HIVEP3: variants seen among roughly 807,000 people sequenced by gnomAD.
HIVEP3 encodes HIVEP zinc finger 3.
HIVEP3 carries 49 observed loss-of-function variants against 152.8 expected under a neutral mutation model. That is an observed-to-expected ratio of 0.32 (90% CI 0.26 to 0.41). The LOEUF is 0.41. HIVEP3 is among the 10% of genes least tolerant of loss of function. HIVEP3 has a pLI of 1.00. For missense variants in HIVEP3, 2,790 were observed against 3,103.3 expected (o/e 0.90, Z 2.40); for synonymous variants, 1,269 against 1,289.0 (o/e 0.98, Z 0.33).
chr1:42,008,678 A>G (rs879331805), intron 1 of HIVEP3, among the ~76,000 whole-genome samples: 2 of 152,188 alleles, frequency 1.3e-5, no homozygotes, highest in Non-Finnish European at 2.9e-5. Flanking sequence ...CTGAATTCTT[A>G]CATGTCTGAA....
At chr1:41,786,950 C>T (rs1649387023) in intron 1 of HIVEP3, among the ~76,000 whole-genome samples, 1 of 152,020 alleles carries the variant, frequency 6.6e-6, no homozygotes, top group Admixed American at 6.6e-5. Flanking sequence ...CGGAGTTTCA[C>T]CATATTGGCC....
At chr1:41,963,172 C>T (rs1645178402) in intron 1 of HIVEP3, among the ~76,000 whole-genome samples, 1 of 152,080 alleles carries the variant, frequency 6.6e-6, no homozygotes. Context: ...CCACCACGCC[C>T]AGCTATTTTT....
chr1:41,895,724 G>A (rs183039044), intron 1 of HIVEP3, among the ~76,000 whole-genome samples: 2 of 152,308 alleles, frequency 1.3e-5, no homozygotes, highest in East Asian at 1.9e-4. Context: ...TCTGAGGCAG[G>A]AAGTGAGGCA....
At chr1:41,866,968 C>T (rs1570699810) in intron 1 of HIVEP3, among the ~76,000 whole-genome samples, 1 of 152,338 alleles carries the variant, frequency 6.6e-6, no homozygotes, top group East Asian at 1.9e-4. Context: ...CTGAGTATTT[C>T]AGGCATAACA....
chr1:41,689,065 G>A (rs1215970091), intron 2 of HIVEP3, among the ~76,000 whole-genome samples: 1 of 152,236 alleles, frequency 6.6e-6, no homozygotes, highest in Admixed American at 6.5e-5. Flanking sequence ...ACAGTTTAGA[G>A]AAAGACACTT....
intron 2 of HIVEP3, among the ~76,000 whole-genome samples, chr1:41,683,638 A>G (rs1570307389): frequency 6.6e-6 from 1 of 152,156 alleles, no homozygotes; most frequent in South Asian, 2.1e-4. Flanking sequence ...GGCTGGGAGG[A>G]AGCCCACAAT....
intron 1 of HIVEP3, among the ~76,000 whole-genome samples, chr1:41,798,842 C>T (rs1650134989): frequency 6.6e-6 from 1 of 152,202 alleles, no homozygotes; most frequent in East Asian, 1.9e-4. Flanking sequence ...ACAACCCAGA[C>T]CCCTGCTTCT....
At chr1:41,803,892 A>G (rs937759156) in intron 1 of HIVEP3, among the ~76,000 whole-genome samples, 3 of 152,226 alleles carry the variant, frequency 2.0e-5, no homozygotes, top group African/African-American at 7.2e-5. Context: ...TCCTCTGGAC[A>G]TGATGACTAA....
At chr1:41,691,688 T>C (rs995227585) in intron 2 of HIVEP3, among the ~76,000 whole-genome samples, 1 of 152,212 alleles carries the variant, frequency 6.6e-6, no homozygotes, top group African/African-American at 2.4e-5. Flanking sequence ...TAGATTTCTG[T>C]TTTTCTAAGC....
intron 5 of HIVEP3, chr1:41,543,436 T>C (rs1233918463): frequency 2.0e-5 from 3 of 152,244 alleles, no homozygotes; most frequent in African/African-American, 4.8e-5. Flanking sequence ...AAGCCATTTC[T>C]ATGAAAACTT....
intron 1 of HIVEP3, among the ~76,000 whole-genome samples, chr1:41,821,688 G>A (rs560718356): frequency 2.6e-4 from 39 of 152,218 alleles, no homozygotes; most frequent in African/African-American, 9.2e-4. Flanking sequence ...TAGTTCCCAG[G>A]CACTGTCTGA....
At chr1:41,788,794 C>T (rs1294344167) in intron 1 of HIVEP3, among the ~76,000 whole-genome samples, 2 of 152,228 alleles carry the variant, frequency 1.3e-5, no homozygotes, top group African/African-American at 2.4e-5. Context: ...GGAACATCCC[C>T]GTGGAAAGGA....
Position 41,582,928 on chromosome 1 carries a change from T to C in HIVEP3, c.1870A>G (p.Lys624Glu), listed in dbSNP as rs1404711543. The change falls in exon 4 of 9, where the codon AAG becomes GAG. Residue 624 changes from lysine to glutamate, a missense_variant. Physicochemically the swap from Lys to Glu is moderately conservative, Grantham distance 56. Transcript: ENST00000372583. The surrounding 1 kb of genome is among the most constrained non-coding windows in gnomAD (Gnocchi z 4.7). ...GTCTTTTTGGTAAGCTCGCTTTCCT[T>C]GGGTTCCACTTCGTCCGAGGGCTTG... ...ASKPSDEVEP[K>E]ESELTKKTKK... 6.2e-7 allele frequency: 1 copy of C among 1,614,100 alleles called. No homozygotes were observed.
At chr1:41,649,472 T>C (rs1455704004) in intron 2 of HIVEP3, among the ~76,000 whole-genome samples, 8 of 152,232 alleles carry the variant, frequency 5.3e-5, no homozygotes. Flanking sequence ...TATGTGTTTG[T>C]TAAATACACG....
chr1:41,805,483 GAGGCTGCT>G (rs2124318823), intron 1 of HIVEP3, among the ~76,000 whole-genome samples: 1 of 152,378 alleles, frequency 6.6e-6, no homozygotes, highest in Non-Finnish European at 1.5e-5. Context: ...CAGGACAACA[GAGGCTGCT>G]AGGGTCTGGG....
intron 3 of HIVEP3, among the ~76,000 whole-genome samples, chr1:41,598,135 A>T (rs1202324882): frequency 2.0e-5 from 3 of 152,186 alleles, no homozygotes; most frequent in Non-Finnish European, 4.4e-5. Flanking sequence ...CAAAGCCTGA[A>T]ATGAGAGTTG....
chr1:41,654,705 G>T (rs543024072), intron 2 of HIVEP3, among the ~76,000 whole-genome samples: 1 of 152,204 alleles, frequency 6.6e-6, no homozygotes, highest in African/African-American at 2.4e-5. Flanking sequence ...GTATTAAGTT[G>T]TCATGCCTCC....
At chr1:41,602,970 C>T (rs1644768172) in intron 3 of HIVEP3, among the ~76,000 whole-genome samples, 4 of 152,132 alleles carry the variant, frequency 2.6e-5, no homozygotes, top group African/African-American at 7.2e-5. Flanking sequence ...TCTTCTTTGA[C>T]CCAATGGTTG....
chr1:41,741,266 C>T (rs1033580010), intron 1 of HIVEP3, among the ~76,000 whole-genome samples: 4 of 152,202 alleles, frequency 2.6e-5, no homozygotes, highest in African/African-American at 9.6e-5. Flanking sequence ...TGTCTTCCTC[C>T]TCCGCTTAGC....
Sources: gnomAD v4.1 joint callset for allele counts (sites outside exome capture counted in the v4.1 genomes callset) on GRCh38, gnomAD v4.1.1 for gene constraint, Gnocchi (gnomAD v3.1) non-coding constraint, MANE v1.5 for transcripts, NCBI Gene and HGNC (gene_info 2026-07-23, HGNC 2026-07-21) for gene names.